GRM8: variants seen among roughly 807,000 people sequenced by gnomAD.
GRM8 encodes glutamate metabotropic receptor 8.
A neutral mutation model predicts 87.2 loss-of-function variants in GRM8; 47 were observed. The observed-to-expected ratio is 0.54, with a 90% CI of 0.43 to 0.69. GRM8 has a LOEUF of 0.69. GRM8 is among the 30% of genes least tolerant of loss of function. GRM8 has a pLI of 0.00. For missense variants in GRM8, 1,019 were observed against 1,139.2 expected (o/e 0.89, Z 1.52); for synonymous variants, 396 against 404.5 (o/e 0.98, Z 0.25).
At chr7:126,562,934 C>A (rs1266372766) in intron 8 of GRM8, among the ~76,000 whole-genome samples, 1 of 152,098 alleles carries the variant, frequency 6.6e-6, no homozygotes, top group Non-Finnish European at 1.5e-5. Flanking sequence ...AATAAACAAG[C>A]TCTAAATGTC....
At chr7:126,691,884 C>A (rs959755740) in intron 7 of GRM8, among the ~76,000 whole-genome samples, 3 of 152,208 alleles carry the variant, frequency 2.0e-5, no homozygotes, top group Non-Finnish European at 2.9e-5. Context: ...GAATTTAATC[C>A]TGGTAGACTA....
intron 3 of GRM8, among the ~76,000 whole-genome samples, chr7:127,009,650 T>G (rs944714223): frequency 7.2e-5 from 11 of 152,126 alleles, no homozygotes; most frequent in Admixed American, 7.2e-4. Flanking sequence ...AATTTTTACT[T>G]TATCACAAAA....
intron 9 of GRM8, among the ~76,000 whole-genome samples, chr7:126,449,723 C>G (rs1289539742): frequency 2.6e-5 from 4 of 151,816 alleles, no homozygotes; most frequent in Admixed American, 6.6e-5. Flanking sequence ...AAAGTTACAG[C>G]TCATCAGAAT....
At chr7:126,761,041 CA>C (rs897619441) in intron 7 of GRM8, among the ~76,000 whole-genome samples, 88 of 151,576 alleles carry the variant, frequency 5.8e-4, no homozygotes, top group South Asian at 3.6e-3. Context: ...TACTAAAATA[CA>C]AAAAAAATTA....
At chr7:127,210,828 T>C (rs1328776719) in intron 2 of GRM8, among the ~76,000 whole-genome samples, 1 of 148,706 alleles carries the variant, frequency 6.7e-6, no homozygotes, top group African/African-American at 2.6e-5. Context: ...TCCCATATTT[T>C]ATAAGAAGAT....
rs867522600 is a variant in GRM8, at chr7:126,723,727, C to T, written c.1357+46138G>A. The stretch of plus-strand genomic sequence containing the variant: ...TGATCTGTAGAGAACTTTGAAACTC[C>T]AAGAGAATTTTACAATTAGCTACAT... On this transcript the variant is annotated intron_variant, in intron 7 of 10. Transcript: ENST00000339582. 3.3e-5 allele frequency among the ~76,000 whole-genome samples: 5 copies of T among 152,018 alleles called. No individual in the cohort carries two copies. In the East Asian group the frequency reaches 5.8e-4, roughly 18 times the overall value.
chr7:126,826,952 C>G (rs533487378), intron 6 of GRM8, among the ~76,000 whole-genome samples: 7 of 152,210 alleles, frequency 4.6e-5, no homozygotes, highest in African/African-American at 1.7e-4. Context: ...GTTTTCCCAG[C>G]ACCGTTTATT....
chr7:126,445,713 G>T (rs1389236389), intron 10 of GRM8, among the ~76,000 whole-genome samples: 1 of 151,990 alleles, frequency 6.6e-6, no homozygotes, highest in African/African-American at 2.4e-5. Context: ...TCATTTATAT[G>T]TGTAAGATCT....
chr7:126,825,901 T>C (rs916762055), intron 6 of GRM8, among the ~76,000 whole-genome samples: 3 of 138,056 alleles, frequency 2.2e-5, no homozygotes, highest in Non-Finnish European at 4.6e-5. Flanking sequence ...CCCCAGAGTG[T>C]GATGTTCCCC....
intron 7 of GRM8, among the ~76,000 whole-genome samples, chr7:126,611,882 A>C (rs1182924719): frequency 6.6e-6 from 1 of 152,216 alleles, no homozygotes; most frequent in East Asian, 1.9e-4. Flanking sequence ...AAAATATAAT[A>C]ATTTCCAACT....
intron 2 of GRM8, among the ~76,000 whole-genome samples, chr7:127,124,405 G>T (rs377140839): frequency 2.8e-4 from 43 of 152,132 alleles, no homozygotes; most frequent in African/African-American, 8.2e-4. Flanking sequence ...TCTACAACAC[G>T]CTCTCTTGGT....
chr7:126,786,604 A>G (rs1226523130), intron 6 of GRM8, among the ~76,000 whole-genome samples: 1 of 152,158 alleles, frequency 6.6e-6, no homozygotes, highest in Non-Finnish European at 1.5e-5. Context: ...ATGTTACAAA[A>G]AGTTATAAGT....
intron 7 of GRM8, among the ~76,000 whole-genome samples, chr7:126,626,617 T>C (rs1800721613): frequency 6.6e-6 from 1 of 152,196 alleles, no homozygotes; most frequent in African/African-American, 2.4e-5. Context: ...CAATGGTCAA[T>C]ATAAATTACT....
intron 2 of GRM8, among the ~76,000 whole-genome samples, chr7:127,149,367 C>T (rs1023131462): frequency 3.9e-5 from 6 of 151,948 alleles, no homozygotes; most frequent in Non-Finnish European, 8.8e-5. Context: ...CCATGATATA[C>T]CACTTCACAC....
At chr7:127,182,410 T>C (rs1335312846) in intron 2 of GRM8, among the ~76,000 whole-genome samples, 2 of 152,060 alleles carry the variant, frequency 1.3e-5, no homozygotes, top group Non-Finnish European at 2.9e-5. Flanking sequence ...TATAAATTAG[T>C]ATAGCCGCCA....
intron 7 of GRM8, 62 bp from the exon 8 acceptor site, chr7:126,609,560 T>A: frequency 7.6e-7 from 1 of 1,307,972 alleles, no homozygotes; most frequent in Non-Finnish European, 1.1e-6. Flanking sequence ...TGGGTTTATT[T>A]TTCTTTTAGA....
intron 8 of GRM8, among the ~76,000 whole-genome samples, chr7:126,579,082 C>G (rs1260188303): frequency 6.6e-6 from 1 of 151,998 alleles, no homozygotes; most frequent in Admixed American, 6.6e-5. Flanking sequence ...GGATTCTACT[C>G]CTCCCACTAA....
intron 9 of GRM8, among the ~76,000 whole-genome samples, chr7:126,502,819 A>G (rs1478586751): frequency 1.3e-5 from 2 of 152,066 alleles, no homozygotes; most frequent in East Asian, 3.9e-4. Context: ...CAGAGTTAAA[A>G]GAGTAGACAT....
At chr7:126,757,200 A>C (rs1424905558) in intron 7 of GRM8, among the ~76,000 whole-genome samples, 1 of 152,162 alleles carries the variant, frequency 6.6e-6, no homozygotes, top group Middle Eastern at 3.2e-3. Flanking sequence ...TTAAAAGTAC[A>C]GATTATACAA....
Sources: gnomAD v4.1 joint callset for allele counts (sites outside exome capture counted in the v4.1 genomes callset) on GRCh38, gnomAD v4.1.1 for gene constraint, MANE v1.5 for transcripts, NCBI Gene and HGNC (gene_info 2026-07-23, HGNC 2026-07-21) for gene names.